Variants in NBEA observed in about 807,000 individuals in gnomAD.
The protein encoded by NBEA is lysosomal-trafficking regulator 2.
A neutral mutation model predicts 343.4 loss-of-function variants in NBEA; 44 were observed. The observed-to-expected ratio is 0.13, with a 90% confidence interval of 0.10 to 0.16. NBEA has a LOEUF of 0.16. Among genes scored for constraint, NBEA ranks in the 10% least tolerant of loss-of-function variants. The pLI, the probability that NBEA is intolerant of heterozygous loss-of-function variation, is 1.00. For missense variants in NBEA, 2,555 were observed against 3,631.3 expected, an observed-to-expected ratio of 0.70 and a Z score of 7.62; for synonymous variants, 1,175 against 1,238.7, an observed-to-expected ratio of 0.95 and a Z score of 1.08.
In NBEA at chr13:35,210,277, A is replaced by AGT. The variant is rs560748566; in HGVS notation, c.5522-759_5522-758dup. 8.3e-3 allele frequency among the ~76,000 whole-genome samples: 1,244 copies of AGT among 150,010 alleles called. 11 individuals carry two copies. Among genetic ancestry groups the AGT allele is most frequent in the African/African-American group, 0.023 (928 of 41,076 alleles). On this transcript the variant is annotated intron_variant, in intron 32 of 58. Transcript: ENST00000379939. ...AAATGTAAGTGATAAACTTCTTAAA[A>AGT]GTGTGTGTGTGTGTGTGTATGTGTG...
chr13:35,663,103 A>C (rs1566479180), intron 55 of NBEA, among the ~76,000 whole-genome samples: 1 of 152,184 alleles, frequency 6.6e-6, no homozygotes, highest in Non-Finnish European at 1.5e-5. Context: ...GACATTCATC[A>C]CTTCTTTGCA....
chr13:35,349,826 A>G (rs780028679), intron 37 of NBEA, among the ~76,000 whole-genome samples: 1 of 152,094 alleles, frequency 6.6e-6, no homozygotes, highest in Non-Finnish European at 1.5e-5. Context: ...TGAGGTTTTT[A>G]TCTCAGTAAA....
At chr13:34,987,747 C>T (rs1353097984) in intron 1 of NBEA, among the ~76,000 whole-genome samples, 1 of 150,912 alleles carries the variant, frequency 6.6e-6, no homozygotes, top group Non-Finnish European at 1.5e-5. Flanking sequence ...TTAATTTGAT[C>T]TTCAATCACT....
chr13:35,245,509 G>A (rs1405659180), intron 34 of NBEA, among the ~76,000 whole-genome samples: 1 of 152,046 alleles, frequency 6.6e-6, no homozygotes, highest in Non-Finnish European at 1.5e-5. Context: ...GCATTTGTTT[G>A]TCTGAAAAAG....
intron 34 of NBEA, among the ~76,000 whole-genome samples, chr13:35,246,793 G>T (rs1384544332): frequency 6.6e-6 from 1 of 152,182 alleles, no homozygotes; most frequent in African/African-American, 2.4e-5. Flanking sequence ...AGCATCAGCT[G>T]TGATAGTATA....
At chr13:34,988,039 G>T (rs2060619949) in intron 1 of NBEA, among the ~76,000 whole-genome samples, 1 of 151,032 alleles carries the variant, frequency 6.6e-6, no homozygotes. Flanking sequence ...GTTCTTTGCT[G>T]GTGGGGAGAT....
intron 38 of NBEA, among the ~76,000 whole-genome samples, chr13:35,417,561 A>G (rs1333091209): frequency 6.6e-6 from 1 of 151,702 alleles, no homozygotes. Context: ...GAGTTTCTTT[A>G]CTCCTGAGTT....
chr13:35,471,272 C>G (rs1042583214), intron 40 of NBEA, among the ~76,000 whole-genome samples: 3 of 152,158 alleles, frequency 2.0e-5, no homozygotes, highest in Non-Finnish European at 2.9e-5. Flanking sequence ...CTCCCGAGCC[C>G]GGCCCGGCGG....
At chr13:35,385,474 C>G (rs535096401) in intron 38 of NBEA, among the ~76,000 whole-genome samples, 134 of 152,100 alleles carry the variant, frequency 8.8e-4, no homozygotes, top group African/African-American at 3.1e-3. Flanking sequence ...GCAGAGTGGA[C>G]AATCACTGGA....
intron 38 of NBEA, among the ~76,000 whole-genome samples, chr13:35,372,340 A>G (rs1022769340): frequency 6.6e-6 from 1 of 152,084 alleles, no homozygotes; most frequent in African/African-American, 2.4e-5. Context: ...GTAGTGGCAA[A>G]TTGGGTGGGC....
At chr13:35,404,032 A>C (rs1419960850) in intron 38 of NBEA, among the ~76,000 whole-genome samples, 6 of 152,340 alleles carry the variant, frequency 3.9e-5, no homozygotes, top group African/African-American at 1.4e-4. Context: ...AGAGAAATGC[A>C]AATCAAAACC....
intron 32 of NBEA, 139 bp from the exon 33 acceptor site, chr13:35,210,913 TA>T: frequency 1.3e-6 from 1 of 794,520 alleles, no homozygotes; most frequent in Non-Finnish European, 2.0e-6. Context: ...GCATACTTAC[TA>T]ATGGCCAAAT....
At chr13:35,290,475 A>G (rs778124658) in intron 35 of NBEA, 25 bp downstream of exon 35, 4 of 1,552,256 alleles carry the variant, frequency 2.6e-6, no homozygotes, top group Non-Finnish European at 3.5e-6. Flanking sequence ...TCACTCAGTT[A>G]CATTAATATA....
At chr13:35,138,615 A>G (rs2067881252) in intron 17 of NBEA, among the ~76,000 whole-genome samples, 1 of 151,954 alleles carries the variant, frequency 6.6e-6, no homozygotes, top group Admixed American at 6.6e-5. Flanking sequence ...GCCTGTCACC[A>G]TGCCCGGCTA....
At chr13:35,012,799 C>T (rs2061529532) in intron 1 of NBEA, among the ~76,000 whole-genome samples, 1 of 152,134 alleles carries the variant, frequency 6.6e-6, no homozygotes, top group Non-Finnish European at 1.5e-5. Context: ...TTCCTGGACT[C>T]AGTCACCTTC....
At chr13:35,614,290 A>G (rs1390158041) in intron 48 of NBEA, among the ~76,000 whole-genome samples, 1 of 152,210 alleles carries the variant, frequency 6.6e-6, no homozygotes, top group Non-Finnish European at 1.5e-5. Context: ...TATACAAGGA[A>G]TGATACTTCA....
chr13:35,079,287 CTG>C (rs2064264991), intron 10 of NBEA, among the ~76,000 whole-genome samples: 7 of 152,258 alleles, frequency 4.6e-5, no homozygotes, highest in African/African-American at 1.4e-4. Context: ...GAATTAAAAA[CTG>C]TATATGTGCC....
At chr13:35,119,841 G>T (rs1230177853) in intron 16 of NBEA, among the ~76,000 whole-genome samples, 1 of 152,086 alleles carries the variant, frequency 6.6e-6, no homozygotes, top group Non-Finnish European at 1.5e-5. Context: ...TGCCTGCCTT[G>T]GTCTCCCAAA....
intron 41 of NBEA, among the ~76,000 whole-genome samples, chr13:35,534,752 C>T (rs1299550351): frequency 6.6e-6 from 1 of 152,150 alleles, no homozygotes; most frequent in Non-Finnish European, 1.5e-5. Context: ...AAAGGAGGGG[C>T]CGTCTCTGTC....
Sources: allele counts gnomAD v4.1 joint callset (sites outside exome capture counted in the v4.1 genomes callset), GRCh38; gene constraint gnomAD v4.1.1; transcripts MANE v1.5; gene names NCBI Gene and HGNC (gene_info 2026-07-23, HGNC 2026-07-21).